ADCY10: variants seen among roughly 807,000 people sequenced by gnomAD.
ADCY10 encodes adenylate cyclase 10.
ADCY10 carries 156 observed loss-of-function variants against 183.3 expected under a neutral mutation model. That is an observed-to-expected ratio of 0.85 (90% CI 0.75 to 0.97). The LOEUF is 0.97. ADCY10 is among the 50% of genes least tolerant of loss of function. ADCY10 has a pLI of 0.00. For missense variants in ADCY10, 1,745 were observed against 1,934.3 expected (o/e 0.90, Z 1.84); for synonymous variants, 645 against 670.0 (o/e 0.96, Z 0.58).
At chr1:167,821,908 C>T in intron 30 of ADCY10, 116 bp downstream of exon 30, 1 of 774,230 alleles carries the variant, frequency 1.3e-6, no homozygotes, top group Admixed American at 2.0e-5. Flanking sequence ...CCTCTGACAC[C>T]CTTAAGCTGT....
Position 167,829,258 on chromosome 1 carries a change from A to ATTGT in ADCY10, c.3750+8_3750+9insACAA. On this transcript the variant is annotated intron_variant, in intron 26 of 32. Transcript: ENST00000367851. ...GAAACTTAAAGGAGCAGCTACAAAA[A>ATTGT]TCCCCTACCTGGAAACAATTTTGAG... 1 of 1,613,928 alleles carries ATTGT rather than the reference A, an allele frequency of 6.2e-7. No individual in the cohort carries two copies. The highest frequency in any genetic ancestry group is 8.5e-7 in the Non-Finnish European group (1 of 1,179,880).
At chr1:167,812,272 C>T (rs1662264074) in intron 31 of ADCY10, among the ~76,000 whole-genome samples, 1 of 152,212 alleles carries the variant, frequency 6.6e-6, no homozygotes, top group Non-Finnish European at 1.5e-5. Context: ...AGGGCTATTG[C>T]CCTTTCCTCC....
At chr1:167,837,106 A>C (rs1243724445) in intron 22 of ADCY10, 143 bp downstream of exon 22, 2 of 730,686 alleles carry the variant, frequency 2.7e-6, no homozygotes, top group Non-Finnish European at 5.0e-6. Context: ...CTACTGACTA[A>C]ACTCACCATG....
intron 1 of ADCY10, among the ~76,000 whole-genome samples, chr1:167,907,127 A>C (rs974512045): frequency 6.6e-6 from 1 of 152,200 alleles, no homozygotes; most frequent in Non-Finnish European, 1.5e-5. Flanking sequence ...CAGATACTGA[A>C]AGAACTGACA....
At chr1:167,887,875 A>G (rs1162081606) in intron 8 of ADCY10, among the ~76,000 whole-genome samples, 1 of 151,496 alleles carries the variant, frequency 6.6e-6, no homozygotes, top group Non-Finnish European at 1.5e-5. Flanking sequence ...GCCCACTCCA[A>G]TGTCCTTGAG....
Position 167,905,057 on chromosome 1 carries a change from A to G in ADCY10, c.84T>C (p.His28=). 6 of 1,614,182 alleles carry G rather than the reference A, an allele frequency of 3.7e-6. No homozygotes were observed. Among genetic ancestry groups the G allele is most frequent in the Non-Finnish European group, 5.1e-6 (6 of 1,180,030 alleles). Residue 28 remains histidine (H), a synonymous_variant, in exon 2 of 33, where the codon CAT becomes CAC. Coordinates refer to ENST00000367851, the MANE Select transcript of ADCY10 (RefSeq NM_018417.6). ...CCATAAAGGGTCGCTCTGGGGAGAAATGTCCATAGACAATGAGGTCTGGTA... is the reference window on the plus strand; with the variant it reads ...CCATAAAGGGTCGCTCTGGGGAGAAGTGTCCATAGACAATGAGGTCTGGTA... ...AHLPDLIVYG[H]FSPERPFMDY...
chr1:167,870,756 C>G (rs926428649), intron 13 of ADCY10, among the ~76,000 whole-genome samples: 3 of 151,264 alleles, frequency 2.0e-5, no homozygotes, highest in African/African-American at 7.3e-5. Flanking sequence ...TTGCAGCGAG[C>G]CGGGATCCTG....
At chr1:167,820,265 G>A (rs1012754510) in intron 30 of ADCY10, 3 of 1,456,270 alleles carry the variant, frequency 2.1e-6, no homozygotes, top group Non-Finnish European at 2.8e-6. Flanking sequence ...CGCCACCACA[G>A]GGCTGCTGGC....
In ADCY10 at chr1:167,880,572, T is replaced by C. The variant is rs772467005; in HGVS notation, c.1058A>G (p.Glu353Gly). Reference protein sequence around the residue: ...SFLCVFGFPGEKVPDELTHAL... With the variant: ...SFLCVFGFPGGKVPDELTHAL... ...ATGAGTGAGCTCGTCAGGTACCTTTTCCCCAGGGAAGCCAAAGACACAGAG... is the reference window on the plus strand; with the variant it reads ...ATGAGTGAGCTCGTCAGGTACCTTTCCCCCAGGGAAGCCAAAGACACAGAG... The change falls in exon 10 of 33, where the codon GAA becomes GGA. Residue 353 changes from glutamate (E) to glycine (G), a missense_variant. Physicochemically the swap from Glu to Gly is moderately conservative, Grantham distance 98. Coordinates refer to ENST00000367851, the MANE Select transcript of ADCY10 (RefSeq NM_018417.6). The C allele has an allele frequency of 1.2e-6, 2 of 1,613,968 alleles. No individual in the cohort carries two copies. The highest frequency in any genetic ancestry group is 2.2e-5 in the South Asian group (2 of 91,068).
At chr1:167,907,605 A>G (rs1669904205) in intron 1 of ADCY10, among the ~76,000 whole-genome samples, 1 of 152,228 alleles carries the variant, frequency 6.6e-6, no homozygotes, top group African/African-American at 2.4e-5. Flanking sequence ...CACTCCTACC[A>G]TGTGCACAAT....
chr1:167,871,569 C>T (rs1667108509), intron 13 of ADCY10, among the ~76,000 whole-genome samples: 2 of 152,150 alleles, frequency 1.3e-5, no homozygotes, highest in South Asian at 4.1e-4. Flanking sequence ...CAATTTCTGT[C>T]AAAAAAGTTG....
At chr1:167,821,141 G>A (rs2101856003) in intron 30 of ADCY10, 1 of 152,168 alleles carries the variant, frequency 6.6e-6, no homozygotes, top group East Asian at 2.0e-4. Context: ...TTTAATGAAT[G>A]TTCTGTTCTG....
At chr1:167,880,379 C>G in intron 10 of ADCY10, 112 bp downstream of exon 10, 1 of 986,680 alleles carries the variant, frequency 1.0e-6, no homozygotes, top group Non-Finnish European at 1.6e-6. Context: ...GTTTGAGACA[C>G]AGGACTAAGT....
At chr1:167,888,485 T>C (rs1668376952) in intron 8 of ADCY10, among the ~76,000 whole-genome samples, 1 of 152,144 alleles carries the variant, frequency 6.6e-6, no homozygotes, top group African/African-American at 2.4e-5. Flanking sequence ...TTCACTTCTT[T>C]GGTTAATTAC....
intron 19 of ADCY10, among the ~76,000 whole-genome samples, chr1:167,847,730 G>C (rs1212882932): frequency 1.3e-5 from 2 of 152,010 alleles, no homozygotes. Context: ...CCAATAATAT[G>C]TCTTTCATAT....
chr1:167,896,728 G>A (rs751940700), intron 6 of ADCY10, 37 bp from the exon 7 acceptor site: 1 of 1,405,424 alleles, frequency 7.1e-7, no homozygotes, highest in Non-Finnish European at 1.0e-6. Flanking sequence ...CAGTTATTCT[G>A]AGAACTGTTT....
chr1:167,897,431 A>T (rs1171547501), intron 6 of ADCY10, among the ~76,000 whole-genome samples: 1 of 150,646 alleles, frequency 6.6e-6, no homozygotes, highest in Non-Finnish European at 1.5e-5. Flanking sequence ...TGGGAGTTAG[A>T]GGTTGAAGTG....
rs116035184 is a variant in ADCY10 at position 167,906,578 on chromosome 1, G to A, written c.-58-1380C>T. Reference sequence around the variant, plus strand: ...CTACACAGGAGTATTGCTTGAGCCCGAGTTCGAGACCAGCTTGGGCAACAT... The same window carrying A: ...CTACACAGGAGTATTGCTTGAGCCCAAGTTCGAGACCAGCTTGGGCAACAT... On this transcript the variant is annotated intron_variant, in intron 1 of 32. Coordinates refer to ENST00000367851, the MANE Select transcript of ADCY10 (RefSeq NM_018417.6). Among the ~76,000 whole-genome samples, 526 of 149,530 alleles carry A rather than the reference G, an allele frequency of 3.5e-3. 5 individuals carry two copies. Among genetic ancestry groups the A allele is most frequent in the African/African-American group, 0.012 (505 of 40,468 alleles).
chr1:167,882,301 A>G (rs1667915771), intron 9 of ADCY10, among the ~76,000 whole-genome samples: 1 of 152,088 alleles, frequency 6.6e-6, no homozygotes, highest in Non-Finnish European at 1.5e-5. Context: ...CCTGGCCAAC[A>G]TGGCGAAACC....
Sources: gnomAD v4.1 joint callset for allele counts (sites outside exome capture counted in the v4.1 genomes callset) on GRCh38, gnomAD v4.1.1 for gene constraint, MANE v1.5 for transcripts, NCBI Gene and HGNC (gene_info 2026-07-23, HGNC 2026-07-21) for gene names.